The following TMEM207 variants were observed in gnomAD, a reference collection of about 807,000 sequenced individuals.
The protein encoded by TMEM207 is transmembrane protein 207, also known as SRSR846.
Under a neutral mutation model 17.4 loss-of-function variants are expected in TMEM207, and 15 were observed. The ratio of observed to expected loss-of-function variants is 0.86; its 90% CI spans 0.58 to 1.33. The LOEUF is 1.33. TMEM207 is among the 40% of genes most tolerant of loss of function. The pLI is 0.00. For missense variants in TMEM207, 205 were observed against 173.8 expected (o/e 1.18, Z -1.01); for synonymous variants, 70 against 65.6 (o/e 1.07, Z -0.33).
chr3:190,432,645 G>C (rs959368086), intron 4 of TMEM207, among the ~76,000 whole-genome samples: 1 of 152,038 alleles, frequency 6.6e-6, no homozygotes, highest in Non-Finnish European at 1.5e-5. Flanking sequence ...TAAAATAAAA[G>C]AATCCTGGGA....
At chr3:190,431,821 T>C (rs1019301099) in intron 4 of TMEM207, among the ~76,000 whole-genome samples, 1 of 152,234 alleles carries the variant, frequency 6.6e-6, no homozygotes, top group Non-Finnish European at 1.5e-5. Context: ...GTCTTCACAG[T>C]TGCTTTCGTA....
intron 2 of TMEM207, among the ~76,000 whole-genome samples, chr3:190,446,911 A>G (rs575448480): frequency 6.6e-6 from 1 of 152,336 alleles, no homozygotes; most frequent in East Asian, 1.9e-4. Context: ...CACAAACAGC[A>G]TAAGACAGAG....
Position 190,429,598 on chromosome 3 carries a change from G to T in TMEM207, c.438C>A (p.Thr146=). Residue 146 remains threonine, a synonymous_variant, in exon 5 of 5, where the codon ACC becomes ACA. Coordinates refer to ENST00000354905, the MANE Select transcript of TMEM207 (RefSeq NM_207316.3). The part of the protein sequence containing the change: ...PPPYEEIVKT[T] ...AATTGATAATCCACACCTAAAATCA[G>T]GTTGTTTTTACAATTTCTTCATATG... 1 of 1,613,276 alleles carries T rather than the reference G, an allele frequency of 6.2e-7. No homozygotes were observed. Among genetic ancestry groups the T allele is most frequent in the Non-Finnish European group, 8.5e-7 (1 of 1,179,520 alleles).
intron 1 of TMEM207, among the ~76,000 whole-genome samples, chr3:190,448,973 A>G (rs1273338907): frequency 6.6e-6 from 1 of 152,248 alleles, no homozygotes. Context: ...AAGGAAAATG[A>G]ACATTCACAT....
At chr3:190,437,943 TTGTAGGG>T (rs1200564838) in intron 4 of TMEM207, among the ~76,000 whole-genome samples, 1 of 151,818 alleles carries the variant, frequency 6.6e-6, no homozygotes, top group African/African-American at 2.4e-5. Context: ...TTCATGTCCC[TTGTAGGG>T]ACATGGATGA....
At position 190,449,818 on chromosome 3, in the gene TMEM207, G is replaced by A; in HGVS notation, c.-9C>T. On this transcript the variant is annotated 5_prime_UTR_variant, in exon 1 of 5. Coordinates refer to ENST00000354905, the MANE Select transcript of TMEM207 (RefSeq NM_207316.3). ...AGTCTGGATCTTGACATATTTAAAG[G>A]ACAGTCAACTTAGGATAGTGGTTTG... 2.5e-6 allele frequency: 4 copies of A among 1,613,052 alleles called. No homozygotes were observed. The highest frequency in any genetic ancestry group is 3.4e-6 in the Non-Finnish European group (4 of 1,179,134).
chr3:190,439,642 G>A (rs1257806426), intron 4 of TMEM207, among the ~76,000 whole-genome samples: 7 of 152,088 alleles, frequency 4.6e-5, no homozygotes, highest in African/African-American at 1.4e-4. Flanking sequence ...AATTTCCTCT[G>A]TTCTTTACTT....
intron 1 of TMEM207, among the ~76,000 whole-genome samples, chr3:190,448,636 A>C (rs552212450): frequency 6.6e-6 from 1 of 152,274 alleles, no homozygotes; most frequent in East Asian, 1.9e-4. Context: ...AGCTCTGAAC[A>C]CTTAGTTGAT....
chr3:190,431,346 T>G (rs541222778), intron 4 of TMEM207, among the ~76,000 whole-genome samples: 88 of 152,224 alleles, frequency 5.8e-4, no homozygotes, highest in Non-Finnish European at 1.2e-3. Flanking sequence ...CTATTATTAT[T>G]ACAATATGTC....
intron 4 of TMEM207, among the ~76,000 whole-genome samples, chr3:190,439,548 T>C (rs1719884091): frequency 6.6e-6 from 1 of 152,206 alleles, no homozygotes; most frequent in African/African-American, 2.4e-5. Flanking sequence ...GAAATAGCTA[T>C]CAATTATGGC....
chr3:190,432,543 T>C (rs1422902945), intron 4 of TMEM207, among the ~76,000 whole-genome samples: 1 of 152,222 alleles, frequency 6.6e-6, no homozygotes, highest in Non-Finnish European at 1.5e-5. Flanking sequence ...AATCTGTGAA[T>C]GAAATACTTC....
At chr3:190,446,689 G>A (rs1046035534) in intron 2 of TMEM207, among the ~76,000 whole-genome samples, 1 of 152,194 alleles carries the variant, frequency 6.6e-6, no homozygotes, top group African/African-American at 2.4e-5. Context: ...GGTAGCCTCA[G>A]CTACCGCTAA....
chr3:190,438,956 G>A (rs1417271287), intron 4 of TMEM207, among the ~76,000 whole-genome samples: 2 of 151,932 alleles, frequency 1.3e-5, no homozygotes, highest in Non-Finnish European at 2.9e-5. Flanking sequence ...TTGGGAGGCC[G>A]AGGCGGGCGG....
chr3:190,441,820 G>A (rs983224116), intron 2 of TMEM207, among the ~76,000 whole-genome samples: 2 of 152,164 alleles, frequency 1.3e-5, no homozygotes, highest in Non-Finnish European at 2.9e-5. Context: ...TAGGTGTTTG[G>A]TATTAGGTAG....
At position 190,449,874 on chromosome 3, in the gene TMEM207, A is replaced by G; in HGVS notation, c.-65T>C. ...TGTGTTTATTTCCTTCTTTCTCAGA[A>G]CTTACTAGCTTCTCTATAAGTTATG... On this transcript the variant is annotated 5_prime_UTR_variant, in exon 1 of 5. Coordinates refer to ENST00000354905, the MANE Select transcript of TMEM207 (RefSeq NM_207316.3). 7.0e-7 allele frequency: 1 copy of G among 1,430,104 alleles called. No homozygotes were observed. The highest frequency in any genetic ancestry group is 2.3e-5 in the East Asian group (1 of 43,168). The allele number at this position is 1,430,104 out of a possible 1,614,324, so 88.6% of individuals were successfully genotyped here.
In TMEM207 at chr3:190,429,579, T is replaced by G. The variant is rs779792279; in HGVS notation, c.*16A>C. 6.2e-7 allele frequency: 1 copy of G among 1,612,600 alleles called. No individual in the cohort carries two copies. The highest frequency in any genetic ancestry group is 8.5e-7 in the Non-Finnish European group (1 of 1,179,278). On this transcript the variant is annotated 3_prime_UTR_variant, in exon 5 of 5. Transcript: ENST00000354905. ...AGATGTCGTTAATACTTTAAATTGATAATCCACACCTAAAATCAGGTTGTT... is the reference window on the plus strand; with the variant it reads ...AGATGTCGTTAATACTTTAAATTGAGAATCCACACCTAAAATCAGGTTGTT...
chr3:190,440,719 T>C (rs1309326785), intron 3 of TMEM207, among the ~76,000 whole-genome samples: 1 of 152,102 alleles, frequency 6.6e-6, no homozygotes, highest in Non-Finnish European at 1.5e-5. Context: ...ATCCATCCAT[T>C]CAGTTAGTAT....
chr3:190,433,546 G>A (rs1458006554), intron 4 of TMEM207, among the ~76,000 whole-genome samples: 1 of 152,136 alleles, frequency 6.6e-6, no homozygotes, highest in Non-Finnish European at 1.5e-5. Context: ...ACAAACAGTA[G>A]AGATTTGGGA....
chr3:190,445,639 C>T (rs1184689179), intron 2 of TMEM207, among the ~76,000 whole-genome samples: 1 of 152,192 alleles, frequency 6.6e-6, no homozygotes, highest in African/African-American at 2.4e-5. Context: ...GATACTCCTG[C>T]CTCAGCCTCT....
Sources: allele counts gnomAD v4.1 joint callset (sites outside exome capture counted in the v4.1 genomes callset), GRCh38; gene constraint gnomAD v4.1.1; transcripts MANE v1.5; gene names NCBI Gene and HGNC (gene_info 2026-07-23, HGNC 2026-07-21).